The following SLC24A2 variants were observed in gnomAD, a reference collection of about 807,000 sequenced individuals.
The protein encoded by SLC24A2 is sodium/potassium/calcium exchanger 2.
In SLC24A2, 36 loss-of-function variants were observed where a neutral mutation model predicts 62.0. The observed-to-expected ratio is 0.58, with a 90% CI of 0.44 to 0.77. SLC24A2 has a LOEUF of 0.77. SLC24A2 is among the 30% of genes least tolerant of loss of function. The pLI, the probability that SLC24A2 is intolerant of heterozygous loss-of-function variation, is 0.00. For synonymous variants in SLC24A2, 358 were observed against 294.0 expected, an observed-to-expected ratio of 1.22 and a Z score of -2.23; for missense variants, 846 against 817.9, an observed-to-expected ratio of 1.03 and a Z score of -0.42.
At chr9:20,095,085 T>A in the SLC24A2 span, among the ~76,000 whole-genome samples, 1 of 152,148 alleles carries the variant, frequency 6.6e-6, no homozygotes, top group Admixed American at 6.6e-5. Context: ...AGATATGACA[T>A]CCTGTTTTCT....
At chr9:19,909,143 T>C in the SLC24A2 span, among the ~76,000 whole-genome samples, 9 of 152,324 alleles carry the variant, frequency 5.9e-5, no homozygotes, top group Admixed American at 5.2e-4. Flanking sequence ...CATGGAATAC[T>C]ATGCAGCCAT....
At chr9:19,857,671 G>T in the SLC24A2 span, among the ~76,000 whole-genome samples, 30 of 151,636 alleles carry the variant, frequency 2.0e-4, no homozygotes, top group African/African-American at 7.3e-4. Flanking sequence ...TGTTGCTAGT[G>T]TATGGAAATG....
At chr9:19,690,569 C>T (rs1265273002) in intron 2 of SLC24A2, among the ~76,000 whole-genome samples, 2 of 152,102 alleles carry the variant, frequency 1.3e-5, no homozygotes, top group Non-Finnish European at 2.9e-5. Flanking sequence ...AACTAACTGA[C>T]AGAAAAGCAA....
At chr9:20,293,314 G>A in the SLC24A2 span, among the ~76,000 whole-genome samples, 1 of 152,164 alleles carries the variant, frequency 6.6e-6, no homozygotes, top group Non-Finnish European at 1.5e-5. Flanking sequence ...AGAAAGGTAG[G>A]GTTGGCTCCC....
At chr9:19,954,367 G>A in the SLC24A2 span, among the ~76,000 whole-genome samples, 2 of 152,124 alleles carry the variant, frequency 1.3e-5, no homozygotes, top group Admixed American at 1.3e-4. Flanking sequence ...GCTGGATAAG[G>A]AGGAAGTAAG....
the SLC24A2 span, among the ~76,000 whole-genome samples, chr9:19,871,690 T>A: frequency 2.0e-4 from 31 of 152,190 alleles, no homozygotes; most frequent in African/African-American, 6.8e-4. Context: ...GTAGAAGATG[T>A]TTTACTTTGT....
the SLC24A2 span, among the ~76,000 whole-genome samples, chr9:19,816,084 CT>C: frequency 2.1e-5 from 3 of 144,312 alleles, no homozygotes; most frequent in Non-Finnish European, 4.5e-5. Context: ...ATGCTGATTT[CT>C]TTTAGTTTTT....
At chr9:20,010,016 T>C in the SLC24A2 span, among the ~76,000 whole-genome samples, 1 of 152,168 alleles carries the variant, frequency 6.6e-6, no homozygotes, top group Admixed American at 6.5e-5. Flanking sequence ...GAAGACAAAC[T>C]GCAACCCTGC....
At chr9:20,019,103 T>C in the SLC24A2 span, among the ~76,000 whole-genome samples, 26 of 84,790 alleles carry the variant, frequency 3.1e-4, no homozygotes, top group East Asian at 0.011. Context: ...GAAAGAAAGA[T>C]AGAAAGAAAG....
At chr9:19,827,357 CT>C in the SLC24A2 span, among the ~76,000 whole-genome samples, 1 of 152,102 alleles carries the variant, frequency 6.6e-6, no homozygotes, top group Non-Finnish European at 1.5e-5. Flanking sequence ...ATGTTAGAAA[CT>C]TTGAGTTTGC....
At chr9:20,305,704 T>C in the SLC24A2 span, among the ~76,000 whole-genome samples, 1 of 152,308 alleles carries the variant, frequency 6.6e-6, no homozygotes, top group East Asian at 1.9e-4. Flanking sequence ...TCCCAGTATA[T>C]AGATGAGGAC....
chr9:19,585,980 T>C (rs776961374), intron 5 of SLC24A2, among the ~76,000 whole-genome samples: 5 of 152,240 alleles, frequency 3.3e-5, no homozygotes, highest in Admixed American at 6.5e-5. Context: ...GCTTTTGTAA[T>C]TGGTCTCCCA....
chr9:20,076,916 C>A, the SLC24A2 span, among the ~76,000 whole-genome samples: 3 of 139,986 alleles, frequency 2.1e-5, no homozygotes, highest in African/African-American at 5.2e-5. Context: ...CATATATATA[C>A]CACATTTATA....
At chr9:20,016,661 CATG>C in the SLC24A2 span, among the ~76,000 whole-genome samples, 1 of 152,152 alleles carries the variant, frequency 6.6e-6, no homozygotes, top group East Asian at 1.9e-4. Context: ...GTTTCTAAAT[CATG>C]GAGAATATAT....
intron 2 of SLC24A2, among the ~76,000 whole-genome samples, chr9:19,765,986 G>C (rs771939377): frequency 4.6e-5 from 7 of 152,064 alleles, no homozygotes; most frequent in Non-Finnish European, 7.4e-5. Flanking sequence ...TGGAGGCTTT[G>C]TTCATTCCTT....
the SLC24A2 span, among the ~76,000 whole-genome samples, chr9:20,182,689 C>T: frequency 5.9e-5 from 9 of 152,044 alleles, no homozygotes; most frequent in African/African-American, 1.7e-4. Context: ...ATGCAAATGA[C>T]GAGTTGATGG....
chr9:20,229,825 T>C, the SLC24A2 span, among the ~76,000 whole-genome samples: 1 of 152,138 alleles, frequency 6.6e-6, no homozygotes, highest in Admixed American at 6.5e-5. Flanking sequence ...GTTGGTATGC[T>C]GCACCCATTA....
At chr9:19,602,835 A>G (rs991609859) in intron 4 of SLC24A2, among the ~76,000 whole-genome samples, 1 of 152,218 alleles carries the variant, frequency 6.6e-6, no homozygotes, top group Non-Finnish European at 1.5e-5. Context: ...TGGAAAATAA[A>G]TAAGTTAATC....
chr9:19,592,529 CCTACCTACCTACCTATCTACCTAT>C lies in SLC24A2; in HGVS notation c.1129+4676_1129+4699del, dbSNP rs1836589117. Among the ~76,000 whole-genome samples, 7 of 148,922 alleles carry C rather than the reference CCTACCTACCTACCTATCTACCTAT, an allele frequency of 4.7e-5. No homozygotes were observed. In the South Asian group the frequency reaches 1.6e-3, roughly 33 times the overall value. On this transcript the variant is annotated intron_variant, in intron 5 of 10. Transcript: ENST00000341998. ...ACCTACCTACCTACCTACCTACCTA[CCTACCTACCTACCTATCTACCTAT>C]CTACCTACATGTCTCTGTGAAACAT...
Sources: allele counts gnomAD v4.1 joint callset (sites outside exome capture counted in the v4.1 genomes callset), GRCh38; gene constraint gnomAD v4.1.1; transcripts MANE v1.5; gene names NCBI Gene and HGNC (gene_info 2026-07-23, HGNC 2026-07-21).